Variants in ACOT1 observed in about 807,000 individuals in gnomAD.
The protein encoded by ACOT1 is acyl-coenzyme A thioesterase 1.
Under a neutral mutation model 15.7 loss-of-function variants are expected in ACOT1, and 8 were observed. The ratio of observed to expected loss-of-function variants is 0.51; its 90% CI spans 0.30 to 0.92. The LOEUF is 0.92. ACOT1 is among the 40% of genes least tolerant of loss of function. The pLI is 0.06. For missense variants in ACOT1, 151 were observed against 539.4 expected (o/e 0.28, Z 7.13); for synonymous variants, 67 against 241.2 (o/e 0.28, Z 6.69).
upstream of ACOT1, among the ~76,000 whole-genome samples, chr14:73,532,495 C>T (rs1888736323): frequency 1.7e-5 from 2 of 115,846 alleles, 1 homozygote; most frequent in African/African-American, 5.6e-5. Context: ...GCCTAAGGCT[C>T]TGTCTCGTTG....
At chr14:73,502,832 GC>G in the ACOT1 span, 1 of 1,314,644 alleles carries the variant, frequency 7.6e-7, no homozygotes. Context: ...ACCTTGCCCA[GC>G]CTGCCTCCTA....
chr14:73,526,245 C>G, the ACOT1 span, among the ~76,000 whole-genome samples: 1 of 152,216 alleles, frequency 6.6e-6, no homozygotes, highest in East Asian at 1.9e-4. Flanking sequence ...ACATTTAGAT[C>G]AGCTCTGGGC....
At chr14:73,505,108 G>A in the ACOT1 span, among the ~76,000 whole-genome samples, 1 of 151,938 alleles carries the variant, frequency 6.6e-6, no homozygotes, top group African/African-American at 2.4e-5. Context: ...TTAGAGATGG[G>A]GTTTTGCCAT....
the ACOT1 span, chr14:73,499,167 G>C: frequency 1.3e-6 from 2 of 1,599,102 alleles, no homozygotes; most frequent in Admixed American, 3.3e-5. Flanking sequence ...AGTGTTGAGT[G>C]GGGAGGACCA....
the ACOT1 span, chr14:73,517,369 A>G: frequency 3.3e-5 from 5 of 152,222 alleles, no homozygotes; most frequent in Non-Finnish European, 7.3e-5. Flanking sequence ...CAAGCTCAAT[A>G]AAGCTGTTAT....
chr14:73,508,477 G>A, the ACOT1 span, among the ~76,000 whole-genome samples: 14 of 152,052 alleles, frequency 9.2e-5, no homozygotes, highest in Non-Finnish European at 1.8e-4. Context: ...GGCTGGGCAC[G>A]GTGGCTAACA....
At chr14:73,535,653 T>C (rs1307848959), upstream of ACOT1, among the ~76,000 whole-genome samples, 1 of 110,754 alleles carries the variant, frequency 9.0e-6, no homozygotes, top group African/African-American at 2.9e-5. Context: ...TATTTTTGGT[T>C]TTTTTTTAGT....
the ACOT1 span, chr14:73,513,962 G>A: frequency 6.7e-7 from 1 of 1,489,100 alleles, no homozygotes; most frequent in Non-Finnish European, 9.4e-7. Flanking sequence ...CAAAGACTGA[G>A]AAAGCCTAGT....
the ACOT1 span, chr14:73,519,133 G>C: frequency 6.2e-7 from 1 of 1,613,582 alleles, no homozygotes; most frequent in Non-Finnish European, 8.5e-7. Flanking sequence ...GTCTCTCTTT[G>C]CACCAATCTG....
At chr14:73,496,557 G>A in the ACOT1 span, 1 of 1,206,278 alleles carries the variant, frequency 8.3e-7, no homozygotes, top group Non-Finnish European at 1.2e-6. Flanking sequence ...GAACTCTTGA[G>A]AGTCCTGAAT....
At chr14:73,509,229 A>G in the ACOT1 span, 1 of 1,305,002 alleles carries the variant, frequency 7.7e-7, no homozygotes, top group East Asian at 2.3e-5. Context: ...AGAGCATCAC[A>G]GTGGAGAGGA....
the ACOT1 span, chr14:73,502,850 T>G: frequency 6.7e-7 from 1 of 1,484,638 alleles, no homozygotes; most frequent in Non-Finnish European, 9.4e-7. Context: ...CCTAAACACT[T>G]CTAAGAATTT....
At chr14:73,512,050 G>T in the ACOT1 span, 1 of 1,614,096 alleles carries the variant, frequency 6.2e-7, no homozygotes, top group Non-Finnish European at 8.5e-7. Flanking sequence ...TTCCAAAGCA[G>T]CTGTGGCACA....
the ACOT1 span, chr14:73,495,196 C>G: frequency 1.3e-6 from 2 of 1,591,458 alleles, no homozygotes; most frequent in African/African-American, 1.4e-5. Flanking sequence ...TTAAAGGAAT[C>G]AAGGCATGGA....
At chr14:73,508,262 A>G in the ACOT1 span, 2 of 1,613,974 alleles carry the variant, frequency 1.2e-6, no homozygotes, top group Admixed American at 1.7e-5. Flanking sequence ...AGAGCCAAGC[A>G]CTGAGCTGCA....
At chr14:73,526,511 G>A in the ACOT1 span, among the ~76,000 whole-genome samples, 2 of 152,172 alleles carry the variant, frequency 1.3e-5, no homozygotes, top group South Asian at 4.1e-4. Context: ...AGACAGGGCA[G>A]CTCAGGGAGA....
upstream of ACOT1, among the ~76,000 whole-genome samples, chr14:73,534,419 G>GTATA (rs1888798757): frequency 1.8e-5 from 2 of 110,162 alleles, 1 homozygote. Context: ...ATGGCCGAGT[G>GTATA]TAGTGGCTCT....
chr14:73,534,774 GT>G (rs1339835144), upstream of ACOT1, among the ~76,000 whole-genome samples: 3 of 106,112 alleles, frequency 2.8e-5, 1 homozygote, highest in African/African-American at 9.1e-5. Flanking sequence ...TTAGATGTGT[GT>G]TTTTTTTAAT....
At chr14:73,520,842 G>C in the ACOT1 span, 1 of 1,611,636 alleles carries the variant, frequency 6.2e-7, no homozygotes, top group Non-Finnish European at 8.5e-7. Flanking sequence ...CAGGGGCCCA[G>C]CTCTATTACC....
Sources: allele counts gnomAD v4.1 joint callset (sites outside exome capture counted in the v4.1 genomes callset), GRCh38; gene constraint gnomAD v4.1.1; transcripts MANE v1.5; gene names NCBI Gene and HGNC (gene_info 2026-07-23, HGNC 2026-07-21).